USPL1: variants seen among roughly 807,000 people sequenced by gnomAD.
USPL1 encodes the protein SUMO-specific isopeptidase USPL1.
Under a neutral mutation model 51.5 loss-of-function variants are expected in USPL1, and 27 were observed. The observed-to-expected ratio is 0.52, with a 90% CI of 0.39 to 0.72. The LOEUF (loss-of-function observed/expected upper bound fraction) is 0.72. Ranked by LOEUF, USPL1 falls within the 30% of genes least tolerant of loss-of-function variation. USPL1 has a pLI of 0.00. For missense variants in USPL1, 1,226 were observed against 1,268.0 expected, an observed-to-expected ratio of 0.97 and a Z score of 0.50; for synonymous variants, 451 against 459.6, an observed-to-expected ratio of 0.98 and a Z score of 0.24.
Position 30,659,051 on chromosome 13 carries a change from G to T in USPL1, c.2974G>T (p.Asp992Tyr). Residue 992 changes from aspartate to tyrosine, a missense_variant, in exon 9 of 9, where the codon GAC becomes TAC. By Grantham distance (160) the Asp-to-Tyr change is radical. Coordinates refer to ENST00000255304, the MANE Select transcript of USPL1 (RefSeq NM_005800.5). ...STELSENGEGDFRYLGMGDSH... is the reference protein window; with the variant it reads ...STELSENGEGYFRYLGMGDSH... The stretch of plus-strand genomic sequence containing the variant: ...AGAGCTGTCAGAAAATGGGGAAGGT[G>T]ACTTTAGGTATTTGGGAATGGGAGA... 6.2e-7 allele frequency: 1 copy of T among 1,614,158 alleles called. No homozygotes were observed. Among genetic ancestry groups the T allele is most frequent in the South Asian group, 1.1e-5 (1 of 91,062 alleles).
intron 5 of USPL1, among the ~76,000 whole-genome samples, chr13:30,641,817 T>C (rs1376101187): frequency 1.3e-5 from 2 of 152,202 alleles, no homozygotes; most frequent in Non-Finnish European, 2.9e-5. Flanking sequence ...TGGAACAAGA[T>C]GATCAGAATA....
chr13:30,637,153 G>A (rs1263704670), intron 4 of USPL1, among the ~76,000 whole-genome samples: 2 of 152,102 alleles, frequency 1.3e-5, no homozygotes, highest in African/African-American at 4.8e-5. Context: ...TCACTATGTT[G>A]CCCAGGCTGG....
At chr13:30,647,102 G>T in intron 7 of USPL1, 45 bp downstream of exon 7, 3 of 1,562,988 alleles carry the variant, frequency 1.9e-6, no homozygotes, top group South Asian at 1.1e-5. Flanking sequence ...AATGAAGGTG[G>T]ATTTACATTT....
intron 1 of USPL1, among the ~76,000 whole-genome samples, chr13:30,619,547 T>G (rs1950621072): frequency 6.6e-6 from 1 of 152,232 alleles, no homozygotes; most frequent in African/African-American, 2.4e-5. Flanking sequence ...GTTTCCCATT[T>G]GAGAGTACCG....
intron 7 of USPL1, 42 bp from the exon 8 acceptor site, chr13:30,653,106 G>A: frequency 6.5e-7 from 1 of 1,529,990 alleles, no homozygotes; most frequent in Admixed American, 1.9e-5. Context: ...CAGACACATG[G>A]CATTAAATTT....
rs1951198985 is a variant in USPL1 at position 30,658,377 on chromosome 13, G to A, written c.2300G>A (p.Gly767Asp). ...TGGGTTAAAGGCTTAATAAGCAGGGGTGCTTCTTTTATGCCACTCTGTGTT... is the reference window on the plus strand; with the variant it reads ...TGGGTTAAAGGCTTAATAAGCAGGGATGCTTCTTTTATGCCACTCTGTGTT... ...GSWVKGLISR[G>D]ASFMPLCVSA... Residue 767 changes from glycine (G) to aspartate (D), a missense_variant, in exon 9 of 9, where the codon GGT becomes GAT. Transcript: ENST00000255304. 6.2e-7 allele frequency: 1 copy of A among 1,613,662 alleles called. No homozygotes were observed. The highest frequency in any genetic ancestry group is 8.5e-7 in the Non-Finnish European group (1 of 1,180,002).
intron 5 of USPL1, among the ~76,000 whole-genome samples, chr13:30,639,240 ATATATGTGTG>A (rs1383256792): frequency 2.7e-5 from 4 of 150,000 alleles, no homozygotes; most frequent in Non-Finnish European, 5.9e-5. Context: ...ATATATATAT[ATATATGTGTG>A]TATGTGTGTG....
Position 30,645,063 on chromosome 13 carries a change from C to G in USPL1, c.1113-1869C>G, listed in dbSNP as rs943183150. 5.3e-5 allele frequency among the ~76,000 whole-genome samples: 8 copies of G among 152,232 alleles called. No homozygotes were observed. The East Asian group carries it at 1.5e-3, about 29-fold the overall frequency. On this transcript the variant is annotated intron_variant, in intron 6 of 8. Coordinates refer to ENST00000255304, the MANE Select transcript of USPL1 (RefSeq NM_005800.5). ...AGCTTGAAAGGGGTTAGATTGATTCCCAAGATGACACACTGTAAGTGGCAG... is the reference window on the plus strand; with the variant it reads ...AGCTTGAAAGGGGTTAGATTGATTCGCAAGATGACACACTGTAAGTGGCAG...
chr13:30,644,842 C>T (rs1447873380), intron 6 of USPL1, among the ~76,000 whole-genome samples: 2 of 152,190 alleles, frequency 1.3e-5, no homozygotes, highest in African/African-American at 4.8e-5. Flanking sequence ...GTCCCCAAAA[C>T]TCCCACTAGA....
chr13:30,621,272 G>GTTTT, intron 2 of USPL1, 33 bp downstream of exon 2: 4 of 1,249,994 alleles, frequency 3.2e-6, no homozygotes, highest in South Asian at 1.6e-5. Context: ...TGAGTGCAAA[G>GTTTT]TTTTTTTTTT....
rs753075335 is a variant in USPL1 at position 30,658,844 on chromosome 13, G to A, written c.2767G>A (p.Val923Met). 4.3e-6 allele frequency: 7 copies of A among 1,613,906 alleles called. No individual in the cohort carries two copies. Among genetic ancestry groups the A allele is most frequent in the Admixed American group, 1.7e-5 (1 of 60,022 alleles). Residue 923 changes from valine to methionine, a missense_variant, in exon 9 of 9, where the codon GTG becomes ATG. Val to Met is a conservative substitution (Grantham distance 21, BLOSUM62 1). Transcript: ENST00000255304. ...AGTTCGAAGTGAAAATCTAGAACAGGTGCCCCAGGATGGGTCTCCAAATGA... is the reference window on the plus strand; with the variant it reads ...AGTTCGAAGTGAAAATCTAGAACAGATGCCCCAGGATGGGTCTCCAAATGA... ...RTVRSENLEQ[V>M]PQDGSPNDCE... is the part of the protein sequence containing the mutation.
In USPL1 at chr13:30,642,924, T is replaced by C. The variant is rs187506594; in HGVS notation, c.1112+167T>C. Among the ~76,000 whole-genome samples the C allele has an allele frequency of 2.4e-3, 370 of 152,308 alleles. 1 individual carries two copies. Among genetic ancestry groups the C allele is most frequent in the South Asian group, 3.5e-3 (17 of 4,824 alleles). On this transcript the variant is annotated intron_variant, in intron 6 of 8. Coordinates refer to ENST00000255304, the MANE Select transcript of USPL1 (RefSeq NM_005800.5). ...TAGTAGGATATTTCCTAAGGAGTTC[T>C]TCAGTGGGAAATAGGGACGATGAGA...
intron 5 of USPL1, among the ~76,000 whole-genome samples, chr13:30,639,471 G>T (rs1950918828): frequency 6.6e-6 from 1 of 151,932 alleles, no homozygotes; most frequent in Non-Finnish European, 1.5e-5. Context: ...ATAAAAGTCT[G>T]ATTTTTCGTA....
chr13:30,655,556 A>C (rs1354439468), intron 8 of USPL1, among the ~76,000 whole-genome samples: 5 of 152,152 alleles, frequency 3.3e-5, no homozygotes, highest in Non-Finnish European at 7.3e-5. Flanking sequence ...ACTGTGGGAG[A>C]TATGTCAAAT....
At chr13:30,651,137 C>A (rs1377276254) in intron 7 of USPL1, among the ~76,000 whole-genome samples, 1 of 152,200 alleles carries the variant, frequency 6.6e-6, no homozygotes, top group East Asian at 1.9e-4. Context: ...CACTCCACAT[C>A]AGACCCTGGA....
Position 30,631,061 on chromosome 13 carries a change from A to G in USPL1, c.455A>G (p.Asn152Ser). ...GAAGTATATGACGAAACCTCGTCAA[A>G]CTTACCTGATAGTAGTGGTCAACAG... ...NGEVYDETSS[N>S]LPDSSGQQNP... The change falls in exon 4 of 9, where the codon AAC becomes AGC. Residue 152 changes from asparagine (N) to serine (S), a missense_variant. Transcript: ENST00000255304. The G allele has an allele frequency of 6.2e-7, 1 of 1,614,164 alleles. No individual in the cohort carries two copies. The highest frequency in any genetic ancestry group is 8.5e-7 in the Non-Finnish European group (1 of 1,180,032).
At chr13:30,657,082 A>G (rs962209734) in intron 8 of USPL1, among the ~76,000 whole-genome samples, 1 of 152,212 alleles carries the variant, frequency 6.6e-6, no homozygotes, top group African/African-American at 2.4e-5. Flanking sequence ...TCCTACTGCT[A>G]GTTTTTAAAC....
intron 4 of USPL1, among the ~76,000 whole-genome samples, chr13:30,633,405 A>T (rs1950833577): frequency 6.6e-6 from 1 of 152,126 alleles, no homozygotes; most frequent in African/African-American, 2.4e-5. Context: ...TGGGGGATGG[A>T]TGGTACTGAA....
intron 2 of USPL1, 101 bp from the exon 3 acceptor site, chr13:30,621,663 T>C: frequency 3.1e-6 from 3 of 974,464 alleles, no homozygotes; most frequent in Non-Finnish European, 4.1e-6. Context: ...TACTTGTAAT[T>C]GAAAATTATA....
Sources: gnomAD v4.1 joint callset for allele counts (sites outside exome capture counted in the v4.1 genomes callset) on GRCh38, gnomAD v4.1.1 for gene constraint, MANE v1.5 for transcripts, NCBI Gene and HGNC (gene_info 2026-07-23, HGNC 2026-07-21) for gene names.